Variants in GEMIN2 observed in about 807,000 individuals in gnomAD.
The protein encoded by GEMIN2 is gem-associated protein 2.
A neutral mutation model predicts 45.8 loss-of-function variants in GEMIN2; 37 were observed. That is an observed-to-expected ratio of 0.81 (90% CI 0.62 to 1.06). The LOEUF (loss-of-function observed/expected upper bound fraction) is 1.06, where lower values mean the gene tolerates loss of function less well. Ranked by LOEUF, GEMIN2 falls within the 50% of genes least tolerant of loss-of-function variation. The pLI is 0.00. For synonymous variants in GEMIN2, 101 were observed against 111.5 expected (o/e 0.91, Z 0.60); for missense variants, 335 against 321.8 (o/e 1.04, Z -0.31).
At chr14:39,131,903 A>G (rs1391160421) in intron 7 of GEMIN2, 55 bp from the exon 8 acceptor site, 9 of 839,200 alleles carry the variant, frequency 1.1e-5, no homozygotes, top group African/African-American at 8.5e-5. Context: ...CATTTAAAAA[A>G]TAAACTTCTG....
chr14:39,118,653 C>A (rs1486766781), intron 4 of GEMIN2, 54 bp downstream of exon 4: 3 of 751,122 alleles, frequency 4.0e-6, no homozygotes, highest in Non-Finnish European at 7.1e-6. Context: ...TTGAAAGAGT[C>A]TATATTTACT....
rs577655965 is a variant in GEMIN2 at position 39,128,831 on chromosome 14, G to A, written c.600+483G>A. ...TTTGTGTTTTTTAAATAGAGACGAG[G>A]TCTCACCATGTTCCCCAGGCTGATC... On this transcript the variant is annotated intron_variant, in intron 7 of 9. Coordinates refer to ENST00000308317, the MANE Select transcript of GEMIN2 (RefSeq NM_003616.3). 2.0e-5 allele frequency among the ~76,000 whole-genome samples: 3 copies of A among 152,082 alleles called. No individual in the cohort carries two copies. The East Asian group carries it at 5.8e-4, about 29-fold the overall frequency.
intron 1 of GEMIN2, 70 bp from the exon 2 acceptor site, chr14:39,114,759 C>A: frequency 1.1e-6 from 1 of 873,006 alleles, no homozygotes; most frequent in Non-Finnish European, 1.9e-6. Flanking sequence ...GGAAGTGGAT[C>A]GCTTGTTTTA....
intron 7 of GEMIN2, among the ~76,000 whole-genome samples, chr14:39,129,842 T>C (rs764353588): frequency 2.0e-5 from 3 of 151,778 alleles, no homozygotes; most frequent in Non-Finnish European, 4.4e-5. Flanking sequence ...ACTTCCTTCA[T>C]TGAGAAAGTC....
intron 6 of GEMIN2, among the ~76,000 whole-genome samples, chr14:39,128,057 G>C (rs1386151040): frequency 9.7e-6 from 1 of 102,724 alleles, no homozygotes; most frequent in African/African-American, 3.9e-5. Flanking sequence ...AACAGAGTGA[G>C]ACTCTATCTC....
At chr14:39,128,216 C>G (rs557068732) in intron 6 of GEMIN2, 64 bp from the exon 7 acceptor site, 6 of 879,776 alleles carry the variant, frequency 6.8e-6, no homozygotes, top group Non-Finnish European at 1.1e-5. Context: ...CTTAATGAAA[C>G]TCATGTTGAA....
chr14:39,123,561 C>T (rs2052600426), intron 5 of GEMIN2, among the ~76,000 whole-genome samples: 1 of 151,276 alleles, frequency 6.6e-6, no homozygotes, highest in Non-Finnish European at 1.5e-5. Flanking sequence ...GAAACAAGCA[C>T]TCTTAGACGT....
Position 39,122,488 on chromosome 14 carries a change from C to G in GEMIN2, c.431C>G (p.Ala144Gly). Residue 144 changes from alanine (A) to glycine (G), a missense_variant, in exon 5 of 10, where the codon GCT becomes GGT. By Grantham distance (60) the Ala-to-Gly change is moderately conservative. Transcript: ENST00000308317. Reference sequence around the variant, plus strand: ...TTTTGTCTGGGTGAAAAGTTATGTGCTGACGGGGCTGTTGGACCAGCCACA... The same window carrying G: ...TTTTGTCTGGGTGAAAAGTTATGTGGTGACGGGGCTGTTGGACCAGCCACA... ...KKFCLGEKLCADGAVGPATNE... is the reference protein window; with the variant it reads ...KKFCLGEKLCGDGAVGPATNE... 1 of 1,608,590 alleles carries G rather than the reference C, an allele frequency of 6.2e-7. No homozygotes were observed. The highest frequency in any genetic ancestry group is 8.5e-7 in the Non-Finnish European group (1 of 1,176,690).
At chr14:39,117,486 G>A (rs1472496383) in intron 2 of GEMIN2, among the ~76,000 whole-genome samples, 1 of 152,032 alleles carries the variant, frequency 6.6e-6, no homozygotes, top group Admixed American at 6.6e-5. Context: ...CAGTAATTAG[G>A]ATAGCCATCA....
At chr14:39,121,787 C>T (rs2052575696) in intron 4 of GEMIN2, 1 of 153,994 alleles carries the variant, frequency 6.5e-6, no homozygotes, top group Non-Finnish European at 1.4e-5. Flanking sequence ...AATCTCTGCT[C>T]ACTGCAGCCT....
chr14:39,130,514 C>T (rs2052703129), intron 7 of GEMIN2, among the ~76,000 whole-genome samples: 1 of 152,022 alleles, frequency 6.6e-6, no homozygotes, highest in African/African-American at 2.4e-5. Context: ...ATAAACTTTC[C>T]CCATGTTGTT....
chr14:39,117,966 G>C, intron 2 of GEMIN2, 33 bp from the exon 3 acceptor site: 1 of 1,182,044 alleles, frequency 8.5e-7, no homozygotes, highest in Non-Finnish European at 1.3e-6. Flanking sequence ...TGACACTAAT[G>C]TTGATCCTAA....
intron 4 of GEMIN2, 140 bp downstream of exon 4, chr14:39,118,739 C>T (rs1437004554): frequency 4.6e-6 from 2 of 439,264 alleles, no homozygotes; most frequent in African/African-American, 4.0e-5. Flanking sequence ...AGTAACAATT[C>T]ATTACATTAG....
At chr14:39,121,925 T>G (rs982366310) in intron 4 of GEMIN2, 4 of 176,892 alleles carry the variant, frequency 2.3e-5, no homozygotes, top group Non-Finnish European at 4.9e-5. Flanking sequence ...TTTTGCCATG[T>G]TGGCCAGGCT....
Position 39,128,306 on chromosome 14 carries a change from T to G in GEMIN2, c.558T>G (p.Tyr186Ter). The change falls in exon 7 of 10, where the codon TAT becomes TAG. Residue 186 changes from tyrosine (Y) to a stop codon, truncating the protein, a stop_gained. Coordinates refer to ENST00000308317, the MANE Select transcript of GEMIN2 (RefSeq NM_003616.3). LOFTEE classifies it high-confidence loss of function. ...NQATVTSVLEYLSNWFGERDF... is the reference protein window; with the variant it reads ...NQATVTSVLE Reference sequence around the variant, plus strand: ...CAACAGTAACTAGTGTCTTGGAATATCTGAGTAATTGGTTTGGAGAAAGAG... The same window carrying G: ...CAACAGTAACTAGTGTCTTGGAATAGCTGAGTAATTGGTTTGGAGAAAGAG... The G allele has an allele frequency of 1.3e-6, 2 of 1,579,750 alleles. No individual in the cohort carries two copies. The highest frequency in any genetic ancestry group is 1.7e-6 in the Non-Finnish European group (2 of 1,154,956).
intron 7 of GEMIN2, among the ~76,000 whole-genome samples, chr14:39,129,992 G>A (rs2052697000): frequency 7.7e-6 from 1 of 129,190 alleles, no homozygotes; most frequent in Admixed American, 9.2e-5. Flanking sequence ...CCAGGCTGCA[G>A]TGCAGTGGTG....
intron 9 of GEMIN2, among the ~76,000 whole-genome samples, chr14:39,135,991 C>T (rs77202626): frequency 1.1e-3 from 161 of 152,168 alleles, no homozygotes; most frequent in African/African-American, 3.7e-3. Flanking sequence ...GAGACTGAGG[C>T]TGGAGAATTG....
chr14:39,129,153 A>C (rs971387769), intron 7 of GEMIN2, among the ~76,000 whole-genome samples: 2 of 152,166 alleles, frequency 1.3e-5, no homozygotes, highest in Non-Finnish European at 2.9e-5. Flanking sequence ...TTTTGGATGC[A>C]CAAATGTTTA....
Position 39,133,644 on chromosome 14 carries a change from T to TG in GEMIN2, c.712-17_712-16insG. The stretch of plus-strand genomic sequence containing the variant: ...TAGGAACAGACAATATTTAAATTTT[T>TG]CTTTTTTTTTTTTTAGGATAGCAAA... On this transcript the variant is annotated splice_polypyrimidine_tract_variant and intron_variant, in intron 8 of 9. Coordinates refer to ENST00000308317, the MANE Select transcript of GEMIN2 (RefSeq NM_003616.3). 7.4e-7 allele frequency: 1 copy of TG among 1,356,266 alleles called. No homozygotes were observed. The highest frequency in any genetic ancestry group is 1.0e-6 in the Non-Finnish European group (1 of 985,516). 84.0% of individuals were successfully genotyped at this position (1,356,266 alleles called of 1,614,324 possible).
Sources: allele counts gnomAD v4.1 joint callset (sites outside exome capture counted in the v4.1 genomes callset), GRCh38; gene constraint gnomAD v4.1.1; transcripts MANE v1.5; gene names NCBI Gene and HGNC (gene_info 2026-07-23, HGNC 2026-07-21).